VPS13D: variants seen among roughly 807,000 people sequenced by gnomAD.
VPS13D encodes intermembrane lipid transfer protein VPS13D.
Under a neutral mutation model 461.9 loss-of-function variants are expected in VPS13D, and 187 were observed. That is an observed-to-expected ratio of 0.40 (90% CI 0.36 to 0.46). VPS13D has a LOEUF of 0.46. Ranked by LOEUF, VPS13D falls within the 20% of genes least tolerant of loss-of-function variation. The probability of loss-of-function intolerance (pLI) is 0.60; values close to 1 mark genes in which losing one functional copy is unlikely to be tolerated. For missense variants in VPS13D, 4,711 were observed against 5,364.9 expected (o/e 0.88, Z 3.81); for synonymous variants, 1,951 against 1,986.3 (o/e 0.98, Z 0.47).
At chr1:12,460,584 A>T (rs1389526142) in intron 67 of VPS13D, among the ~76,000 whole-genome samples, 188 bp downstream of exon 67, 2 of 151,224 alleles carry the variant, frequency 1.3e-5, no homozygotes, top group East Asian at 3.9e-4. Flanking sequence ...CCTGGCATGA[A>T]TTTTTTCAGA....
At chr1:12,365,768 A>G (rs987902945) in intron 52 of VPS13D, among the ~76,000 whole-genome samples, 1 of 152,090 alleles carries the variant, frequency 6.6e-6, no homozygotes, top group African/African-American at 2.4e-5. Flanking sequence ...AATCAGTGCT[A>G]TTTCAACATG....
At chr1:12,357,058 A>C (rs1306584462) in intron 49 of VPS13D, among the ~76,000 whole-genome samples, 1 of 152,246 alleles carries the variant, frequency 6.6e-6, no homozygotes, top group East Asian at 1.9e-4. Flanking sequence ...TGAGGATTAG[A>C]TGACATGTGC....
intron 41 of VPS13D, among the ~76,000 whole-genome samples, chr1:12,342,284 C>T (rs1643586677): frequency 6.6e-6 from 1 of 152,218 alleles, no homozygotes; most frequent in Non-Finnish European, 1.5e-5. Context: ...CCCATTCTCC[C>T]TCTATCCCTA....
At chr1:12,379,825 G>C (rs1644248636) in intron 57 of VPS13D, among the ~76,000 whole-genome samples, 1 of 151,268 alleles carries the variant, frequency 6.6e-6, no homozygotes, top group African/African-American at 2.4e-5. Flanking sequence ...CTGGAGTGCA[G>C]TGGCACAATC....
chr1:12,291,432 C>T lies in VPS13D; in HGVS notation c.5852+308C>T, dbSNP rs574856253. ...TTGCTTAAAGCCAGGAGTTCGAGAC[C>T]ACCCTTGGCAACATAGACACTGTCT... is the stretch of plus-strand genomic sequence containing the variant. On this transcript the variant is annotated intron_variant, in intron 23 of 69. Transcript: ENST00000620676. 2.0e-5 allele frequency among the ~76,000 whole-genome samples: 3 copies of T among 152,166 alleles called. No homozygotes were observed. In the South Asian group the frequency reaches 6.2e-4, roughly 32 times the overall value.
chr1:12,381,922 T>TTTTTC (rs1553185973), intron 57 of VPS13D, among the ~76,000 whole-genome samples: 10 of 101,168 alleles, frequency 9.9e-5, no homozygotes, highest in Admixed American at 2.3e-4. Flanking sequence ...CTTTCTTTTC[T>TTTTTC]TTTCTTTCTT....
intron 55 of VPS13D, among the ~76,000 whole-genome samples, chr1:12,375,311 T>C (rs1306424886): frequency 6.6e-6 from 1 of 152,196 alleles, no homozygotes; most frequent in African/African-American, 2.4e-5. Context: ...GTTCCCAGGC[T>C]CTCTCAGAAG....
chr1:12,339,154 A>G (rs939322241), intron 40 of VPS13D, among the ~76,000 whole-genome samples: 1 of 152,100 alleles, frequency 6.6e-6, no homozygotes, highest in African/African-American at 2.4e-5. Flanking sequence ...AGGGCTCACA[A>G]AGAAAGCCCA....
intron 67 of VPS13D, chr1:12,478,974 C>G: frequency 6.7e-6 from 3 of 446,256 alleles, no homozygotes; most frequent in Non-Finnish European, 1.4e-5. Context: ...TGCTTTCTGG[C>G]CTTCCACAGC....
chr1:12,500,098 G>T (rs1395934771), intron 68 of VPS13D: 1 of 985,180 alleles, frequency 1.0e-6, no homozygotes, highest in Non-Finnish European at 1.2e-6. Context: ...TTTCCCGATG[G>T]AGTGAAAACC....
chr1:12,338,331 G>A lies in VPS13D; in HGVS notation c.8626+26G>A, dbSNP rs1643495417. 2.5e-6 allele frequency: 4 copies of A among 1,606,510 alleles called. No individual in the cohort carries two copies. The East Asian group carries it at 8.9e-5, about 36-fold the overall frequency. The stretch of plus-strand genomic sequence containing the variant: ...GTACAGTATAGCCAAGCGAGGGCTT[G>A]CTTTATTTTCCTGTTTTAAGAACTT... On this transcript the variant is annotated intron_variant, in intron 40 of 69. Coordinates refer to ENST00000620676, the MANE Select transcript of VPS13D (RefSeq NM_015378.4).
chr1:12,355,861 TGAGA>T, intron 47 of VPS13D, 34 bp from the exon 48 acceptor site: 1 of 1,475,450 alleles, frequency 6.8e-7, no homozygotes, highest in Non-Finnish European at 9.0e-7. Context: ...TGACAAATAG[TGAGA>T]ACTCTGAAAG....
intron 7 of VPS13D, among the ~76,000 whole-genome samples, chr1:12,255,486 C>A (rs988458039): frequency 8.6e-5 from 13 of 151,688 alleles, no homozygotes; most frequent in African/African-American, 2.7e-4. Flanking sequence ...AAGCTGATGT[C>A]GTTGGTTGCC....
rs138905755 is a variant in VPS13D, at chr1:12,342,929, G to A, written c.8763G>A (p.Gly2921=). The change falls in exon 42 of 70, where the codon GGG becomes GGA. Residue 2921 remains glycine (G), a synonymous_variant. Transcript: ENST00000620676. ...RAALSHSGSP[G]VVPEGNGTFL... The stretch of plus-strand genomic sequence containing the variant: ...CACTCTCTCACAGTGGGAGTCCAGG[G>A]GTAGTTCCAGAAGGGAACGGAACAT... 2.5e-6 allele frequency: 4 copies of A among 1,613,392 alleles called. No individual in the cohort carries two copies. Among genetic ancestry groups the A allele is most frequent in the South Asian group, 2.2e-5 (2 of 91,030 alleles).
At chr1:12,508,565 A>G (rs964455320) in intron 69 of VPS13D, among the ~76,000 whole-genome samples, 2 of 145,296 alleles carry the variant, frequency 1.4e-5, no homozygotes, top group Admixed American at 7.0e-5. Flanking sequence ...AAAAAAAAAA[A>G]TCGTTAGCTG....
Position 12,432,480 on chromosome 1 carries a change from A to G in VPS13D, c.12333+15653A>G, listed in dbSNP as rs183600506. 2.6e-5 allele frequency among the ~76,000 whole-genome samples: 4 copies of G among 151,980 alleles called. No individual in the cohort carries two copies. The East Asian group carries it at 7.7e-4, about 29-fold the overall frequency. On this transcript the variant is annotated intron_variant, in intron 65 of 69. Coordinates refer to ENST00000620676, the MANE Select transcript of VPS13D (RefSeq NM_015378.4). ...GAAGTGGCTGTTTGCTGTACCTCTC[A>G]GTGGACACTGAAAATGTGGATGTGT...
chr1:12,369,437 T>C lies in VPS13D; in HGVS notation c.10573-30T>C, dbSNP rs2101626774. 4 of 1,604,070 alleles carry C rather than the reference T, an allele frequency of 2.5e-6. No individual in the cohort carries two copies. In the East Asian group the frequency reaches 8.9e-5, roughly 36 times the overall value. On this transcript the variant is annotated intron_variant, in intron 53 of 69. Coordinates refer to ENST00000620676, the MANE Select transcript of VPS13D (RefSeq NM_015378.4). Reference sequence around the variant, plus strand: ...TCAGTAACCCCACTCTGAATGAAAGTCCTCTTTGTCCTCTCTGCCATCACT... The same window carrying C: ...TCAGTAACCCCACTCTGAATGAAAGCCCTCTTTGTCCTCTCTGCCATCACT...
intron 64 of VPS13D, 88 bp downstream of exon 64, chr1:12,415,309 T>C: frequency 6.5e-7 from 1 of 1,539,232 alleles, no homozygotes; most frequent in Non-Finnish European, 8.9e-7. Flanking sequence ...AAGGCATTAC[T>C]ATTGAGAACC....
At chr1:12,239,846 T>C (rs566748998) in intron 2 of VPS13D, among the ~76,000 whole-genome samples, 60 of 152,288 alleles carry the variant, frequency 3.9e-4, no homozygotes, top group African/African-American at 1.3e-3. Flanking sequence ...AGTAAGTCTG[T>C]AATGTCTGCC....
Sources: gnomAD v4.1 joint callset for allele counts (sites outside exome capture counted in the v4.1 genomes callset) on GRCh38, gnomAD v4.1.1 for gene constraint, MANE v1.5 for transcripts, NCBI Gene and HGNC (gene_info 2026-07-23, HGNC 2026-07-21) for gene names.